Variants in MRC2 observed in about 807,000 individuals in gnomAD.
MRC2 encodes mannose receptor C-type 2.
A neutral mutation model predicts 206.2 loss-of-function variants in MRC2; 84 were observed. The ratio of observed to expected loss-of-function variants is 0.41; its 90% CI spans 0.34 to 0.49. The LOEUF (loss-of-function observed/expected upper bound fraction) is 0.49. Among genes scored for constraint, MRC2 ranks in the 20% least tolerant of loss-of-function variants. MRC2 has a pLI of 0.31. For missense variants in MRC2, 1,676 were observed against 2,001.5 expected (o/e 0.84, Z 3.10); for synonymous variants, 798 against 800.0 (o/e 1.00, Z 0.04).
chr17:62,629,730 A>T (rs1196673954), intron 1 of MRC2, among the ~76,000 whole-genome samples: 1 of 152,200 alleles, frequency 6.6e-6, no homozygotes, highest in East Asian at 1.9e-4. Context: ...TTGCCCGAAG[A>T]GCTGGCAGCC....
chr17:62,643,696 CCT>C (rs1419501738), intron 1 of MRC2, among the ~76,000 whole-genome samples: 2 of 152,122 alleles, frequency 1.3e-5, no homozygotes, highest in Non-Finnish European at 2.9e-5. Context: ...AACAATTTCA[CCT>C]CTCGCAACAG....
At chr17:62,643,643 A>C (rs1306762320) in intron 1 of MRC2, among the ~76,000 whole-genome samples, 1 of 152,270 alleles carries the variant, frequency 6.6e-6, no homozygotes, top group East Asian at 1.9e-4. Context: ...AGGAAATGCC[A>C]GTGGCTAATA....
In MRC2 at chr17:62,680,508, C is replaced by A. The variant is rs2088950742; in HGVS notation, c.2473+55C>A. 6.2e-7 allele frequency: 1 copy of A among 1,607,806 alleles called. No homozygotes were observed. Among genetic ancestry groups the A allele is most frequent in the Non-Finnish European group, 8.5e-7 (1 of 1,175,402 alleles). ...CATCGCGTGGGAGAGGGCGTCAACT[C>A]TGGGGTAAGTCCCGAGAGGCCTGAA... is the stretch of plus-strand genomic sequence containing the variant. On this transcript the variant is annotated intron_variant, in intron 16 of 29. Coordinates refer to ENST00000303375, the MANE Select transcript of MRC2 (RefSeq NM_006039.5). The surrounding 1 kb of genome is among the most constrained non-coding windows in gnomAD (Gnocchi z 4.8).
chr17:62,692,030 C>T lies in MRC2; in HGVS notation c.4193-82C>T. 1.3e-6 allele frequency: 2 copies of T among 1,593,418 alleles called. No homozygotes were observed. The highest frequency in any genetic ancestry group is 1.7e-4 in the Middle Eastern group (1 of 5,834). On this transcript the variant is annotated intron_variant, in intron 28 of 29. Transcript: ENST00000303375. This position sits in a 1 kb window ranked among gnomAD's most constrained non-coding sequence, Gnocchi z 4.2. ...TTCTCCCCAGACCTCCCGGCCCAGG[C>T]CTGTGTGCTTTGTATGTTTACTTAA...
chr17:62,646,751 T>C (rs571842821), intron 1 of MRC2, among the ~76,000 whole-genome samples: 1 of 152,376 alleles, frequency 6.6e-6, no homozygotes, highest in South Asian at 2.1e-4. Context: ...TGTCAAACTC[T>C]GCATATATGA....
chr17:62,674,292 C>T (rs1054423665), intron 9 of MRC2, 122 bp downstream of exon 9: 33 of 676,222 alleles, frequency 4.9e-5, no homozygotes, highest in Admixed American at 1.5e-4. Flanking sequence ...GCACCCCCTT[C>T]CCTGAGCTCT....
chr17:62,658,340 G>T (rs1039360638), intron 1 of MRC2, among the ~76,000 whole-genome samples: 1 of 152,220 alleles, frequency 6.6e-6, no homozygotes, highest in Non-Finnish European at 1.5e-5. Flanking sequence ...AACATGCCAT[G>T]CACCTAGCAG....
intron 1 of MRC2, among the ~76,000 whole-genome samples, chr17:62,647,833 G>A (rs2147445286): frequency 6.6e-6 from 1 of 152,300 alleles, no homozygotes; most frequent in South Asian, 2.1e-4. Flanking sequence ...AGCTCCCTTT[G>A]TGAGGAGCCG....
intron 1 of MRC2, among the ~76,000 whole-genome samples, chr17:62,648,299 G>A (rs933005857): frequency 6.6e-6 from 1 of 152,228 alleles, no homozygotes; most frequent in African/African-American, 2.4e-5. Flanking sequence ...AGCTACTCAG[G>A]AGGCTGAGAC....
At chr17:62,650,968 T>C (rs192883920) in intron 1 of MRC2, among the ~76,000 whole-genome samples, 1 of 152,354 alleles carries the variant, frequency 6.6e-6, no homozygotes, top group African/African-American at 2.4e-5. Context: ...TCCAGGTTCC[T>C]TGAACATCCC....
chr17:62,659,701 A>G lies in MRC2; in HGVS notation c.119-4847A>G, dbSNP rs527498966. On this transcript the variant is annotated intron_variant, in intron 1 of 29. Coordinates refer to ENST00000303375, the MANE Select transcript of MRC2 (RefSeq NM_006039.5). ...TTAGGAAGCTCACTTTGTCCTGCCCAGAGAGGAACCCCATCCAAGTGCTGT... is the reference window on the plus strand; with the variant it reads ...TTAGGAAGCTCACTTTGTCCTGCCCGGAGAGGAACCCCATCCAAGTGCTGT... Among the ~76,000 whole-genome samples the G allele has an allele frequency of 5.9e-5, 9 of 152,300 alleles. No homozygotes were observed. The South Asian group carries it at 1.9e-3, about 32-fold the overall frequency.
At chr17:62,689,448 T>C in intron 23 of MRC2, 74 bp from the exon 24 acceptor site, 1 of 1,059,532 alleles carries the variant, frequency 9.4e-7, no homozygotes, top group South Asian at 1.6e-5. Flanking sequence ...GTGTGCGGCC[T>C]TCTCCTGGCC....
chr17:62,634,209 T>C (rs1278167910), intron 1 of MRC2, among the ~76,000 whole-genome samples: 1 of 152,220 alleles, frequency 6.6e-6, no homozygotes, highest in Admixed American at 6.5e-5. Flanking sequence ...GCCATGACAT[T>C]TGTAAACTGT....
rs1308245201 is a variant in MRC2 at position 62,678,598 on chromosome 17, G to GCTACGAGGAGGAGCACTTTGTGGCCAA, written c.2149_2175dup (p.Tyr717_Asn725dup). 6.2e-7 allele frequency: 1 copy of GCTACGAGGAGGAGCACTTTGTGGCCAA among 1,611,054 alleles called. No homozygotes were observed. On this transcript the variant is annotated inframe_insertion, in exon 13 of 30. Transcript: ENST00000303375. Reference sequence around the variant, plus strand: ...GGGGCCCAGCTGCTGAGCCTGGCCAGCTACGAGGAGGAGCACTTTGTGGCC... The same window carrying GCTACGAGGAGGAGCACTTTGTGGCCAA: ...GGGGCCCAGCTGCTGAGCCTGGCCAGCTACGAGGAGGAGCACTTTGTGGCCAACTACGAGGAGGAGCACTTTGTGGCC...
intron 1 of MRC2, among the ~76,000 whole-genome samples, chr17:62,663,526 T>C (rs543976133): frequency 6.6e-6 from 1 of 152,206 alleles, no homozygotes; most frequent in South Asian, 2.1e-4. Context: ...TTGCTTTCTG[T>C]CTCTATGCAT....
At chr17:62,689,804 G>T in intron 24 of MRC2, 44 bp downstream of exon 24, 3 of 1,530,816 alleles carry the variant, frequency 2.0e-6, no homozygotes, top group Non-Finnish European at 1.8e-6. Context: ...CCTTGCCCGG[G>T]TTCCCCTCCC....
chr17:62,662,249 CAA>C (rs36108581), intron 1 of MRC2, among the ~76,000 whole-genome samples: 1 of 119,154 alleles, frequency 8.4e-6, no homozygotes. Flanking sequence ...GACTCTGTCT[CAA>C]AAAAAAAAAA....
In MRC2 at chr17:62,692,066, C is replaced by G. The variant is rs535091766; in HGVS notation, c.4193-46C>G. 1 of 1,611,260 alleles carries G rather than the reference C, an allele frequency of 6.2e-7. No individual in the cohort carries two copies. Among genetic ancestry groups the G allele is most frequent in the Non-Finnish European group, 8.5e-7 (1 of 1,177,440 alleles). On this transcript the variant is annotated intron_variant, in intron 28 of 29. Transcript: ENST00000303375. The surrounding 1 kb of genome is among the most constrained non-coding windows in gnomAD (Gnocchi z 4.2). ...TGTATGTTTACTTAAGTGATTATTA[C>G]GATGATCACTGCTATTATTAACTGG...
chr17:62,682,478 C>T, intron 20 of MRC2, 101 bp downstream of exon 20: 1 of 1,385,748 alleles, frequency 7.2e-7, no homozygotes, highest in Admixed American at 2.8e-5. Context: ...GCACCAAACT[C>T]ATGGCCTCTT....
Sources: allele counts gnomAD v4.1 joint callset (sites outside exome capture counted in the v4.1 genomes callset), GRCh38; gene constraint gnomAD v4.1.1; non-coding constraint Gnocchi (gnomAD v3.1); transcripts MANE v1.5; gene names NCBI Gene and HGNC (gene_info 2026-07-23, HGNC 2026-07-21).